ABCG2: variants seen among roughly 807,000 people sequenced by gnomAD.
ABCG2 encodes broad substrate specificity ATP-binding cassette transporter ABCG2.
In ABCG2, 80 loss-of-function variants were observed where a neutral mutation model predicts 73.5. That is an observed-to-expected ratio of 1.09 (90% CI 0.91 to 1.31). The LOEUF is 1.31. Among genes scored for constraint, ABCG2 ranks in the 50% most tolerant of loss-of-function variants. The probability of loss-of-function intolerance (pLI) is 0.00; values close to 1 mark genes in which losing one functional copy is unlikely to be tolerated. For synonymous variants in ABCG2, 269 were observed against 282.4 expected (o/e 0.95, Z 0.48); for missense variants, 796 against 786.2 (o/e 1.01, Z -0.15).
chr4:88,114,559 G>A (rs559251290), intron 8 of ABCG2, among the ~76,000 whole-genome samples: 3 of 151,642 alleles, frequency 2.0e-5, no homozygotes, highest in South Asian at 2.1e-4. Context: ...CCTGGGAGGC[G>A]GAGGGGTCAG....
intron 1 of ABCG2, among the ~76,000 whole-genome samples, chr4:88,227,353 G>A (rs1730262131): frequency 6.6e-6 from 1 of 152,154 alleles, no homozygotes; most frequent in South Asian, 2.1e-4. Context: ...CCGAGATCGC[G>A]CCATTGTACT....
chr4:88,097,801 C>T (rs1180004220), intron 12 of ABCG2, among the ~76,000 whole-genome samples, 194 bp from the exon 13 acceptor site: 1 of 152,230 alleles, frequency 6.6e-6, no homozygotes, highest in East Asian at 1.9e-4. Context: ...TCTCTTATAA[C>T]ACTTATGTGC....
intron 9 of ABCG2, among the ~76,000 whole-genome samples, chr4:88,110,739 A>C (rs1306039170): frequency 1.3e-5 from 2 of 152,106 alleles, no homozygotes; most frequent in Non-Finnish European, 2.9e-5. Flanking sequence ...TCACACTAAA[A>C]CGGTAGAGCT....
At chr4:88,129,899 A>G (rs772056770) in intron 5 of ABCG2, among the ~76,000 whole-genome samples, 4 of 152,152 alleles carry the variant, frequency 2.6e-5, no homozygotes, top group African/African-American at 4.8e-5. Flanking sequence ...CAAGAGGAGG[A>G]GTTACTTTGT....
chr4:88,198,456 G>C (rs1210685268), intron 1 of ABCG2, among the ~76,000 whole-genome samples: 1 of 152,116 alleles, frequency 6.6e-6, no homozygotes, highest in African/African-American at 2.4e-5. Context: ...AACATAGCGA[G>C]ATCCAATCAC....
chr4:88,113,671 A>G (rs1723306448), intron 8 of ABCG2, 118 bp from the exon 9 acceptor site: 1 of 1,334,268 alleles, frequency 7.5e-7, no homozygotes, highest in Admixed American at 2.4e-5. Context: ...AGCTTTAGAA[A>G]GAAAAAATAG....
intron 1 of ABCG2, among the ~76,000 whole-genome samples, chr4:88,158,118 T>C (rs765395336): frequency 5.3e-5 from 8 of 152,192 alleles, no homozygotes; most frequent in Non-Finnish European, 1.0e-4. Context: ...TTTCATACAT[T>C]TGGAGAAAGG....
chr4:88,092,482 G>A lies in ABCG2; in HGVS notation c.1821-101C>T, dbSNP rs542817857. 6.3e-6 allele frequency: 8 copies of A among 1,262,052 alleles called. No individual in the cohort carries two copies. In the South Asian group the frequency reaches 1.3e-4, roughly 20 times the overall value. The allele number at this position is 1,262,052 out of a possible 1,614,324, so 78.2% of individuals were successfully genotyped here. Reference sequence around the variant, plus strand: ...TTAAAGGAGCCTAAAATTGAACCAAGCCTTTAATAATTACCCCTTCAGATA... The same window carrying A: ...TTAAAGGAGCCTAAAATTGAACCAAACCTTTAATAATTACCCCTTCAGATA... On this transcript the variant is annotated intron_variant, in intron 15 of 15. Coordinates refer to ENST00000237612, the MANE Select transcript of ABCG2 (RefSeq NM_004827.3).
exon 1 of ABCG2, chr4:88,231,213 G>A (rs1730451980): frequency 6.6e-6 from 1 of 152,184 alleles, no homozygotes; most frequent in Non-Finnish European, 1.5e-5. Flanking sequence ...AGCCCCCAAA[G>A]TAGATCCTGC....
At chr4:88,219,189 AAGT>A (rs1172777779) in intron 1 of ABCG2, among the ~76,000 whole-genome samples, 1 of 152,196 alleles carries the variant, frequency 6.6e-6, no homozygotes, top group East Asian at 1.9e-4. Context: ...AATTCCCACA[AAGT>A]ACATTTACTA....
In ABCG2 at chr4:88,207,875, G is replaced by A. The variant is rs182347246; in HGVS notation, c.-20+23119C>T. On this transcript the variant is annotated intron_variant, in intron 1 of 15. Coordinates refer to the ABCG2 transcript ENST00000515655. ...TGTTTTTTTCAATATCCCTGTCAGG[G>A]CACAATGAAGGATATTTTTGTTGGC... Among the ~76,000 whole-genome samples the A allele has an allele frequency of 8.0e-4, 121 of 152,142 alleles. 1 individual carries two copies. The highest frequency in any genetic ancestry group is 2.8e-3 in the African/African-American group (116 of 41,508).
chr4:88,179,992 TAG>T (rs1328873888), intron 1 of ABCG2, among the ~76,000 whole-genome samples: 1 of 151,462 alleles, frequency 6.6e-6, no homozygotes, highest in Non-Finnish European at 1.5e-5. Context: ...AAAGAGGAGG[TAG>T]AGAGAGGGGG....
intron 13 of ABCG2, among the ~76,000 whole-genome samples, chr4:88,096,170 G>A (rs1432274351): frequency 6.6e-6 from 1 of 152,204 alleles, no homozygotes; most frequent in Non-Finnish European, 1.5e-5. Context: ...ATAATGTAGT[G>A]AGAGGTAGAG....
At position 88,142,089 on chromosome 4, in the gene ABCG2, G is replaced by GA. The variant is rs5860120; in HGVS notation, c.-19-2076dup. Among the ~76,000 whole-genome samples the GA allele has an allele frequency of 5.9e-5, 9 of 151,454 alleles. 1 individual carries two copies. The highest frequency in any genetic ancestry group is 2.2e-4 in the African/African-American group (9 of 41,124). ...ATGAAAATTATTACCATGAAAGGGG[G>GA]AAAAAATCTCCTAATTAAAAAGAAT... is the stretch of plus-strand genomic sequence containing the variant. On this transcript the variant is annotated intron_variant, in intron 1 of 15. Transcript: ENST00000237612.
At chr4:88,156,401 A>G (rs958354076) in intron 1 of ABCG2, among the ~76,000 whole-genome samples, 27 of 151,462 alleles carry the variant, frequency 1.8e-4, no homozygotes, top group Non-Finnish European at 3.5e-4. Context: ...AAGAAGGAAA[A>G]AGAAAAAGCA....
At chr4:88,126,094 G>A (rs1354096797) in intron 5 of ABCG2, among the ~76,000 whole-genome samples, 1 of 152,068 alleles carries the variant, frequency 6.6e-6, no homozygotes, top group African/African-American at 2.4e-5. Flanking sequence ...TGATAAAGGG[G>A]ATATAATCAC....
intron 1 of ABCG2, among the ~76,000 whole-genome samples, chr4:88,205,301 T>C (rs771541446): frequency 1.4e-4 from 22 of 152,222 alleles, no homozygotes; most frequent in Non-Finnish European, 2.8e-4. Flanking sequence ...CTCAGGACAG[T>C]CTTAATCTTA....
chr4:88,104,500 G>C (rs1255606160), intron 10 of ABCG2, among the ~76,000 whole-genome samples: 1 of 151,960 alleles, frequency 6.6e-6, no homozygotes, highest in African/African-American at 2.4e-5. Flanking sequence ...ATGATACTGG[G>C]GTCAACGAGA....
intron 2 of ABCG2, among the ~76,000 whole-genome samples, chr4:88,133,816 G>A (rs1725063118): frequency 6.6e-6 from 1 of 152,262 alleles, no homozygotes; most frequent in East Asian, 1.9e-4. Flanking sequence ...TGGCCAACAT[G>A]GCAAAACCCC....
Sources: allele counts gnomAD v4.1 joint callset (sites outside exome capture counted in the v4.1 genomes callset), GRCh38; gene constraint gnomAD v4.1.1; transcripts MANE v1.5; gene names NCBI Gene and HGNC (gene_info 2026-07-23, HGNC 2026-07-21).